DNAAF4: variants seen among roughly 807,000 people sequenced by gnomAD.
The protein encoded by DNAAF4 is dynein axonemal assembly factor 4, also known as dynein assembly factor 4, axonemal.
A neutral mutation model predicts 51.8 loss-of-function variants in DNAAF4; 43 were observed. The observed-to-expected ratio is 0.83, with a 90% CI of 0.65 to 1.07. DNAAF4 has a LOEUF of 1.07. DNAAF4 is among the 50% of genes least tolerant of loss of function. The probability of loss-of-function intolerance (pLI) is 0.00; values close to 1 mark genes in which losing one functional copy is unlikely to be tolerated. For synonymous variants in DNAAF4, 194 were observed against 165.6 expected, an observed-to-expected ratio of 1.17 and a Z score of -1.32; for missense variants, 581 against 493.0, an observed-to-expected ratio of 1.18 and a Z score of -1.69.
intron 5 of DNAAF4, among the ~76,000 whole-genome samples, chr15:55,452,514 C>T (rs999563307): frequency 1.3e-5 from 2 of 151,944 alleles, no homozygotes; most frequent in Non-Finnish European, 2.9e-5. Flanking sequence ...AATTTCCAAA[C>T]TCATATATCT....
chr15:55,433,745 G>GT (rs552546234), intron 8 of DNAAF4, among the ~76,000 whole-genome samples: 6 of 117,714 alleles, frequency 5.1e-5, no homozygotes, highest in African/African-American at 1.9e-4. Context: ...ATAATTATTT[G>GT]TTTTTTATAT....
chr15:55,481,921 C>T (rs2058416367), intron 4 of DNAAF4, among the ~76,000 whole-genome samples: 1 of 152,226 alleles, frequency 6.6e-6, no homozygotes, highest in African/African-American at 2.4e-5. Context: ...TAGTAATGGG[C>T]CAAGCCTTCA....
Position 55,497,988 on chromosome 15 carries a change from T to C in DNAAF4, c.124-129A>G, listed in dbSNP as rs1383703974. On this transcript the variant is annotated intron_variant, in intron 2 of 9. Transcript: ENST00000321149. ...AAATTTATGCCAGGTAGTGAAAGAT[T>C]AGCAAGGCATATGAGGAAGCCCTGG... 9.7e-6 allele frequency: 13 copies of C among 1,345,896 alleles called. No individual in the cohort carries two copies. In the African/African-American group the frequency reaches 1.2e-4, roughly 12 times the overall value. The allele number at this position is 1,345,896 out of a possible 1,614,324, so 83.4% of individuals were successfully genotyped here. A position where few individuals can be genotyped will look rare whatever the true frequency, so the allele number is the denominator to read the frequency against.
At chr15:55,490,661 G>A (rs550713817) in intron 4 of DNAAF4, among the ~76,000 whole-genome samples, 1 of 152,148 alleles carries the variant, frequency 6.6e-6, no homozygotes, top group South Asian at 2.1e-4. Context: ...CAGATTTCAA[G>A]AACAAACATG....
intron 1 of DNAAF4, among the ~76,000 whole-genome samples, chr15:55,501,012 A>T (rs376745961): frequency 0.039 from 5,277 of 136,014 alleles, 157 homozygotes; most frequent in South Asian, 0.082. Flanking sequence ...AAAAAAAAAA[A>T]ATGGAAACTT....
chr15:55,469,753 G>A (rs2058226024), intron 4 of DNAAF4, among the ~76,000 whole-genome samples: 1 of 151,700 alleles, frequency 6.6e-6, no homozygotes, highest in South Asian at 2.1e-4. Context: ...ACCTCCCAAA[G>A]TGCTGGGATT....
At chr15:55,493,309 G>C (rs1399632089) in intron 3 of DNAAF4, among the ~76,000 whole-genome samples, 1 of 152,164 alleles carries the variant, frequency 6.6e-6, no homozygotes, top group African/African-American at 2.4e-5. Flanking sequence ...ATTATTTGTT[G>C]CCTATCTTCA....
chr15:55,502,643 G>A (rs1371674990), intron 1 of DNAAF4, among the ~76,000 whole-genome samples: 1 of 152,058 alleles, frequency 6.6e-6, no homozygotes, highest in East Asian at 1.9e-4. Context: ...GTGATGACTG[G>A]TAAAAAAAAG....
intron 5 of DNAAF4, among the ~76,000 whole-genome samples, chr15:55,466,089 AAAT>A (rs1263175214): frequency 1.3e-5 from 2 of 152,156 alleles, no homozygotes; most frequent in African/African-American, 4.8e-5. Context: ...AAAACTACTG[AAAT>A]AATAATTTTA....
chr15:55,482,015 A>C (rs2058417675), intron 4 of DNAAF4, among the ~76,000 whole-genome samples: 1 of 152,210 alleles, frequency 6.6e-6, no homozygotes. Context: ...ACAAACCTGA[A>C]AGAACATTGC....
chr15:55,439,703 T>G (rs1386384570), intron 6 of DNAAF4, 122 bp from the exon 7 acceptor site: 3 of 796,496 alleles, frequency 3.8e-6, no homozygotes, highest in Admixed American at 2.8e-5. Flanking sequence ...TGAGTGTTTG[T>G]GTCTTCTCCA....
intron 5 of DNAAF4, among the ~76,000 whole-genome samples, chr15:55,464,707 C>T (rs1009223746): frequency 3.9e-5 from 6 of 152,258 alleles, no homozygotes; most frequent in Admixed American, 2.0e-4. Context: ...GTGGCTCATG[C>T]CTGTAATCCC....
chr15:55,462,740 T>A (rs1353849525), intron 5 of DNAAF4, among the ~76,000 whole-genome samples: 4 of 151,646 alleles, frequency 2.6e-5, no homozygotes, highest in African/African-American at 9.7e-5. Flanking sequence ...AAAAAGGTAA[T>A]ACACCATAAT....
chr15:55,434,560 C>T (rs1415558776), intron 8 of DNAAF4, among the ~76,000 whole-genome samples: 5 of 151,998 alleles, frequency 3.3e-5, no homozygotes, highest in South Asian at 2.1e-4. Flanking sequence ...GTGCCGGGCG[C>T]GGTGGCTCAT....
rs1332031377 is a variant in DNAAF4 at position 55,498,399 on chromosome 15, G to A, written c.-70C>T. 6 of 1,556,384 alleles carry A rather than the reference G, an allele frequency of 3.9e-6. No individual in the cohort carries two copies. The highest frequency in any genetic ancestry group is 1.4e-5 in the African/African-American group (1 of 72,516). On this transcript the variant is annotated 5_prime_UTR_variant, in exon 2 of 10. Transcript: ENST00000321149. ...GCCTGCTTGGTTGCTAGGGAAGCTGGGGTTACCATGCGCCAGCCCTTCCGG... is the reference window on the plus strand; with the variant it reads ...GCCTGCTTGGTTGCTAGGGAAGCTGAGGTTACCATGCGCCAGCCCTTCCGG...
intron 1 of DNAAF4, among the ~76,000 whole-genome samples, chr15:55,504,952 A>G (rs1046543414): frequency 6.6e-6 from 1 of 152,260 alleles, no homozygotes; most frequent in Non-Finnish European, 1.5e-5. Flanking sequence ...GCTTCTGCAC[A>G]GCAAAAGAAA....
At position 55,435,059 on chromosome 15, in the gene DNAAF4, C is replaced by T; in HGVS notation, c.894-1G>A. 6.3e-7 allele frequency: 1 copy of T among 1,577,752 alleles called. No individual in the cohort carries two copies. ...ATAGTTTTCCGTTGCAAACAATTTGCTAATGAGACAAAAACAGAGAAGAAA... is the reference window on the plus strand; with the variant it reads ...ATAGTTTTCCGTTGCAAACAATTTGTTAATGAGACAAAAACAGAGAAGAAA... On this transcript the variant is annotated splice_acceptor_variant, in intron 7 of 9. Transcript: ENST00000321149. LOFTEE classifies it high-confidence loss of function.
intron 1 of DNAAF4, among the ~76,000 whole-genome samples, chr15:55,499,962 G>T (rs192463407): frequency 8.5e-5 from 13 of 152,100 alleles, no homozygotes; most frequent in Admixed American, 5.9e-4. Context: ...TTTATAAATT[G>T]CTGGGATAAA....
At chr15:55,479,752 G>A (rs2058382504) in intron 4 of DNAAF4, among the ~76,000 whole-genome samples, 1 of 152,108 alleles carries the variant, frequency 6.6e-6, no homozygotes, top group South Asian at 2.1e-4. Flanking sequence ...GCCGCTCTGG[G>A]CTCTGGGAAT....
Sources: allele counts gnomAD v4.1 joint callset (sites outside exome capture counted in the v4.1 genomes callset), GRCh38; gene constraint gnomAD v4.1.1; transcripts MANE v1.5; gene names NCBI Gene and HGNC (gene_info 2026-07-23, HGNC 2026-07-21).